Variants in C3orf18 observed in about 807,000 individuals in gnomAD.
C3orf18 encodes chromosome 3 open reading frame 18.
Under a neutral mutation model 14.1 loss-of-function variants are expected in C3orf18, and 12 were observed. That is an observed-to-expected ratio of 0.85 (90% CI 0.55 to 1.38). The LOEUF is 1.38. Ranked by LOEUF, C3orf18 falls within the 40% of genes most tolerant of loss-of-function variation. The pLI is 0.00. For missense variants in C3orf18, 196 were observed against 213.9 expected (o/e 0.92, Z 0.52); for synonymous variants, 82 against 87.9 (o/e 0.93, Z 0.38).
upstream of C3orf18, chr3:50,571,480 AAC>A: frequency 1.5e-6 from 1 of 684,414 alleles, no homozygotes; most frequent in East Asian, 2.7e-5. Context: ...CACACACTGT[AAC>A]AGTTTGTTGG....
upstream of C3orf18, among the ~76,000 whole-genome samples, chr3:50,572,442 A>G (rs561046214): frequency 6.6e-6 from 1 of 152,222 alleles, no homozygotes; most frequent in East Asian, 1.9e-4. Context: ...AGGTCTGGCA[A>G]TGGCCCAGAG....
At chr3:50,561,981 C>A (rs1418898637) in intron 3 of C3orf18, 5 of 603,090 alleles carry the variant, frequency 8.3e-6, no homozygotes, top group East Asian at 5.5e-5. Flanking sequence ...CTCACTGCAA[C>A]CTTCGCCTCC....
chr3:50,573,185 C>T (rs973087639), upstream of C3orf18, among the ~76,000 whole-genome samples: 1 of 152,016 alleles, frequency 6.6e-6, no homozygotes, highest in South Asian at 2.1e-4. Context: ...GAATCTGAGG[C>T]CTTGCTGAAG....
intron 3 of C3orf18, 97 bp from the exon 4 acceptor site, chr3:50,561,844 G>C (rs1348548302): frequency 3.1e-6 from 4 of 1,273,338 alleles, no homozygotes; most frequent in South Asian, 1.2e-5. Context: ...TGATGAACAA[G>C]AGACCCGTGG....
chr3:50,563,470 C>T (rs1459952963), intron 3 of C3orf18, among the ~76,000 whole-genome samples: 2 of 152,160 alleles, frequency 1.3e-5, no homozygotes. Context: ...TAACAGCCAC[C>T]CCCACACCTT....
At chr3:50,568,024 G>C (rs1700472865), upstream of C3orf18, among the ~76,000 whole-genome samples, 1 of 152,264 alleles carries the variant, frequency 6.6e-6, no homozygotes, top group African/African-American at 2.4e-5. Context: ...AACGCGGATG[G>C]ATGTACAGAG....
upstream of C3orf18, among the ~76,000 whole-genome samples, chr3:50,573,227 G>A (rs570276865): frequency 2.0e-5 from 3 of 152,290 alleles, no homozygotes; most frequent in African/African-American, 7.2e-5. Flanking sequence ...GAGCATGGGG[G>A]CAGCACGTGG....
At chr3:50,562,706 G>A (rs999349832) in intron 3 of C3orf18, 26 of 359,424 alleles carry the variant, frequency 7.2e-5, no homozygotes, top group East Asian at 1.5e-4. Flanking sequence ...GGAGGCTGAC[G>A]GCCCCCAGTG....
chr3:50,565,288 G>A lies in C3orf18; in HGVS notation c.234+178C>T, dbSNP rs948657578. 1 of 593,182 alleles carries A rather than the reference G, an allele frequency of 1.7e-6. No homozygotes were observed. Among genetic ancestry groups the A allele is most frequent in the Non-Finnish European group, 3.0e-6 (1 of 333,606 alleles). 36.7% of individuals were successfully genotyped at this position (593,182 alleles called of 1,614,324 possible). ...AGGCTGAGGCAGGAGACTCGATTAA[G>A]CCCCAGAGGTGGAGGTTGCAGTGAG... is the stretch of plus-strand genomic sequence containing the variant. On this transcript the variant is annotated intron_variant, in intron 3 of 5. Coordinates refer to ENST00000357203, the MANE Select transcript of C3orf18 (RefSeq NM_016210.5). This position sits in a 1 kb window ranked among gnomAD's most constrained non-coding sequence, Gnocchi z 4.4.
chr3:50,563,081 C>T (rs1700088213), intron 3 of C3orf18, among the ~76,000 whole-genome samples: 1 of 152,194 alleles, frequency 6.6e-6, no homozygotes, highest in African/African-American at 2.4e-5. Context: ...CAAATCCTCC[C>T]ACATTCTTTG....
chr3:50,560,833 G>A, intron 5 of C3orf18, 84 bp downstream of exon 5: 4 of 1,430,306 alleles, frequency 2.8e-6, no homozygotes, highest in Non-Finnish European at 3.8e-6. Context: ...GCAGGTGCTA[G>A]AAAGCTGCAT....
At chr3:50,562,770 C>T (rs569513451) in intron 3 of C3orf18, among the ~76,000 whole-genome samples, 51 of 152,158 alleles carry the variant, frequency 3.4e-4, no homozygotes, top group Non-Finnish European at 6.6e-4. Flanking sequence ...CAGGTCAACT[C>T]CCAAAAACTC....
At chr3:50,567,878 C>A (rs1700458243), upstream of C3orf18, 1 of 152,312 alleles carries the variant, frequency 6.6e-6, no homozygotes. Flanking sequence ...AGAACCTGGT[C>A]GCAGTTTTTA....
At position 50,565,695 on chromosome 3, in the gene C3orf18, T is replaced by C. The variant is rs1445318369; in HGVS notation, c.5A>G (p.Asn2Ser). Residue 2 changes from asparagine to serine, a missense_variant, in exon 3 of 6, where the codon AAC (asparagine) becomes AGC (serine). Transcript: ENST00000357203. The surrounding 1 kb of genome is among the most constrained non-coding windows in gnomAD (Gnocchi z 4.4). Reference sequence around the variant, plus strand: ...GCCCCTAGCAGATGCGGTCCTGGAGTTCATGCTGATGCGGAGAGGGCCCTG... The same window carrying C: ...GCCCCTAGCAGATGCGGTCCTGGAGCTCATGCTGATGCGGAGAGGGCCCTG... MNSRTASARGWF... is the reference protein window; with the variant it reads MSSRTASARGWF... The C allele has an allele frequency of 6.2e-7, 1 of 1,608,188 alleles. No homozygotes were observed. Among genetic ancestry groups the C allele is most frequent in the South Asian group, 1.1e-5 (1 of 90,988 alleles).
Position 50,558,634 on chromosome 3 carries a change from C to G in C3orf18, c.*1023G>C, listed in dbSNP as rs1293066489. 1 of 1,229,814 alleles carries G rather than the reference C, an allele frequency of 8.1e-7. No homozygotes were observed. The highest frequency in any genetic ancestry group is 5.7e-5 in the East Asian group (1 of 17,548). 76.2% of individuals were successfully genotyped at this position (1,229,814 alleles called of 1,614,324 possible). ...GCAGCCTGTGATTACTGCCCTCAGACCAACAGCCTCTCCCAACCCCAGATC... is the reference window on the plus strand; with the variant it reads ...GCAGCCTGTGATTACTGCCCTCAGAGCAACAGCCTCTCCCAACCCCAGATC... On this transcript the variant is annotated 3_prime_UTR_variant, in exon 6 of 6. Coordinates refer to ENST00000357203, the MANE Select transcript of C3orf18 (RefSeq NM_016210.5).
chr3:50,571,243 C>T (rs1700916852), upstream of C3orf18: 2 of 1,613,740 alleles, frequency 1.2e-6, no homozygotes, highest in Non-Finnish European at 1.7e-6. Context: ...ACTGGTCAGC[C>T]ACTGGACTGG....
upstream of C3orf18, chr3:50,571,271 G>T (rs996589294): frequency 9.3e-6 from 15 of 1,612,980 alleles, no homozygotes; most frequent in Non-Finnish European, 1.3e-5. Context: ...GAGAAGAGGG[G>T]TATCCCTGAG....
chr3:50,565,194 C>G lies in C3orf18; in HGVS notation c.234+272G>C, dbSNP rs563472877. 7.2e-4 allele frequency among the ~76,000 whole-genome samples: 109 copies of G among 152,190 alleles called. No homozygotes were observed. The highest frequency in any genetic ancestry group is 2.6e-3 in the African/African-American group (107 of 41,496). ...CCAGCCTGGCTAACATAGCGAAACC[C>G]CATCTCTACTAAAAATACAAAAATT... On this transcript the variant is annotated intron_variant, in intron 3 of 5. Transcript: ENST00000357203. This position sits in a 1 kb window ranked among gnomAD's most constrained non-coding sequence, Gnocchi z 4.4.
At chr3:50,560,013 G>A (rs913517833) in intron 5 of C3orf18, among the ~76,000 whole-genome samples, 10 of 152,234 alleles carry the variant, frequency 6.6e-5, no homozygotes, top group African/African-American at 9.6e-5. Context: ...GCTGGACTCT[G>A]TATCCCCAGG....
Sources: gnomAD v4.1 joint callset for allele counts (sites outside exome capture counted in the v4.1 genomes callset) on GRCh38, gnomAD v4.1.1 for gene constraint, Gnocchi (gnomAD v3.1) non-coding constraint, MANE v1.5 for transcripts, NCBI Gene and HGNC (gene_info 2026-07-23, HGNC 2026-07-21) for gene names.